Variants in UTS2B observed in about 807,000 individuals in gnomAD.
UTS2B encodes urotensin 2B.
In UTS2B, 21 loss-of-function variants were observed where a neutral mutation model predicts 19.2. The ratio of observed to expected loss-of-function variants is 1.09; its 90% CI spans 0.78 to 1.58. UTS2B has a LOEUF of 1.58. Ranked by LOEUF, UTS2B falls within the 40% of genes most tolerant of loss-of-function variation. The pLI is 0.00. For missense variants in UTS2B, 138 were observed against 130.3 expected, an observed-to-expected ratio of 1.06 and a Z score of -0.29; for synonymous variants, 57 against 50.2, an observed-to-expected ratio of 1.14 and a Z score of -0.58.
At chr3:191,274,050 C>T (rs1253512927) in intron 8 of UTS2B, among the ~76,000 whole-genome samples, 3 of 151,592 alleles carry the variant, frequency 2.0e-5, no homozygotes, top group African/African-American at 4.8e-5. Flanking sequence ...TGCAGTGAGC[C>T]GAGATTGTGC....
chr3:191,314,982 T>G (rs912509804), intron 3 of UTS2B, among the ~76,000 whole-genome samples: 1 of 152,060 alleles, frequency 6.6e-6, no homozygotes, highest in Non-Finnish European at 1.5e-5. Context: ...TGTAAGTTAG[T>G]GTTTCCCTGA....
At chr3:191,290,622 C>T (rs6798187) in intron 4 of UTS2B, among the ~76,000 whole-genome samples, 5,301 of 152,174 alleles carry the variant, frequency 0.035, 329 homozygotes, top group African/African-American at 0.12. Flanking sequence ...ATAACAGAGA[C>T]CCCCATTTTA....
chr3:191,326,500 GA>G (rs199799586), intron 2 of UTS2B, among the ~76,000 whole-genome samples: 3 of 150,950 alleles, frequency 2.0e-5, no homozygotes, highest in Admixed American at 6.6e-5. Flanking sequence ...TATCCACCTA[GA>G]AAAAAAAATC....
At chr3:191,276,739 T>C in intron 7 of UTS2B, 68 bp downstream of exon 7, 1 of 1,319,780 alleles carries the variant, frequency 7.6e-7, no homozygotes, top group Non-Finnish European at 1.1e-6. Flanking sequence ...TTAAAAAACA[T>C]TGTGTCAAGA....
chr3:191,311,516 G>C (rs1170849532), intron 3 of UTS2B, among the ~76,000 whole-genome samples: 3 of 152,136 alleles, frequency 2.0e-5, no homozygotes, highest in Non-Finnish European at 4.4e-5. Flanking sequence ...AAGGTTCTAT[G>C]ATTGACACTC....
chr3:191,288,772 T>A (rs952959030), intron 4 of UTS2B, among the ~76,000 whole-genome samples: 5 of 152,114 alleles, frequency 3.3e-5, no homozygotes, highest in African/African-American at 4.8e-5. Flanking sequence ...TATCCCACAC[T>A]ATATGCAAAA....
At chr3:191,272,713 T>A (rs1054197342) in intron 8 of UTS2B, among the ~76,000 whole-genome samples, 1 of 150,028 alleles carries the variant, frequency 6.7e-6, no homozygotes, top group Non-Finnish European at 1.5e-5. Context: ...TACAAAAAAT[T>A]AGCTGGGCGT....
At chr3:191,307,435 G>A (rs1717169525) in intron 3 of UTS2B, among the ~76,000 whole-genome samples, 1 of 152,138 alleles carries the variant, frequency 6.6e-6, no homozygotes, top group African/African-American at 2.4e-5. Context: ...AGCATAAGAG[G>A]AAAACGAAAA....
At chr3:191,338,873 T>A in the UTS2B span, among the ~76,000 whole-genome samples, 1 of 152,224 alleles carries the variant, frequency 6.6e-6, no homozygotes, top group Non-Finnish European at 1.5e-5. Flanking sequence ...TTATATAAGA[T>A]GCTGGTAATT....
upstream of UTS2B, among the ~76,000 whole-genome samples, chr3:191,334,227 G>A (rs930193653): frequency 2.0e-5 from 3 of 152,114 alleles, no homozygotes; most frequent in African/African-American, 7.2e-5. Flanking sequence ...CTGTGGTATA[G>A]AATGCATGGA....
chr3:191,273,220 G>A (rs1716139112), intron 8 of UTS2B, among the ~76,000 whole-genome samples: 1 of 152,156 alleles, frequency 6.6e-6, no homozygotes, highest in Non-Finnish European at 1.5e-5. Context: ...AATATATCCT[G>A]GAAAGCCTGT....
chr3:191,278,074 G>T lies in UTS2B; in HGVS notation c.200C>A (p.Thr67Asn). The T allele has an allele frequency of 6.0e-6, 9 of 1,506,346 alleles. No individual in the cohort carries two copies. The highest frequency in any genetic ancestry group is 8.1e-6 in the Non-Finnish European group (9 of 1,117,058). 93.3% of individuals were successfully genotyped at this position (1,506,346 alleles called of 1,614,324 possible). ...GCTTGACTTTATGTTTAACTCACCAGTGTTGAAAGGTCTTTGGAAATCAAA... is the reference window on the plus strand; with the variant it reads ...GCTTGACTTTATGTTTAACTCACCATTGTTGAAAGGTCTTTGGAAATCAAA... ...KNFDFQRPFN[T>N]DLALPNKLEE... Residue 67 changes from threonine (T) to asparagine (N), a missense_variant and splice_region_variant, in exon 6 of 9, where the codon ACT (threonine) becomes AAT (asparagine). Physicochemically the swap from Thr to Asn is moderately conservative, Grantham distance 65. Transcript: ENST00000340524.
intron 2 of UTS2B, among the ~76,000 whole-genome samples, chr3:191,327,723 T>C (rs908439848): frequency 4.6e-5 from 7 of 152,182 alleles, no homozygotes. Context: ...GATTTATCTG[T>C]AGGCATCCAA....
chr3:191,274,801 T>C (rs1256198661), intron 8 of UTS2B, among the ~76,000 whole-genome samples: 1 of 152,124 alleles, frequency 6.6e-6, no homozygotes, highest in Non-Finnish European at 1.5e-5. Context: ...CTAGGAAAAA[T>C]TATCCAAAAG....
chr3:191,301,851 T>C (rs1717011540), intron 4 of UTS2B, among the ~76,000 whole-genome samples: 1 of 152,342 alleles, frequency 6.6e-6, no homozygotes, highest in Non-Finnish European at 1.5e-5. Flanking sequence ...TCTAGAAAGA[T>C]GTCATTATCA....
the UTS2B span, among the ~76,000 whole-genome samples, chr3:191,337,705 A>T: frequency 6.6e-6 from 1 of 152,138 alleles, no homozygotes; most frequent in Non-Finnish European, 1.5e-5. Context: ...TCAAAATCAA[A>T]TGTAGGTAGA....
intron 4 of UTS2B, among the ~76,000 whole-genome samples, chr3:191,292,009 T>C (rs185850066): frequency 3.7e-4 from 57 of 152,306 alleles, no homozygotes; most frequent in Middle Eastern, 6.8e-3. Context: ...GTAGTAAGCC[T>C]TGAAATTGGA....
the UTS2B span, among the ~76,000 whole-genome samples, chr3:191,337,448 G>A: frequency 2.0e-5 from 3 of 151,480 alleles, no homozygotes; most frequent in Non-Finnish European, 4.4e-5. Context: ...AGGCTCGAGC[G>A]ATTCTCCTGC....
chr3:191,321,022 A>G (rs1019523473), intron 2 of UTS2B, among the ~76,000 whole-genome samples: 2 of 152,224 alleles, frequency 1.3e-5, no homozygotes, highest in Non-Finnish European at 2.9e-5. Context: ...GACTTACAAA[A>G]TAAGCTTCAT....
Sources: allele counts gnomAD v4.1 joint callset (sites outside exome capture counted in the v4.1 genomes callset), GRCh38; gene constraint gnomAD v4.1.1; transcripts MANE v1.5; gene names NCBI Gene and HGNC (gene_info 2026-07-23, HGNC 2026-07-21).